The following UNC93B1 variants were observed in gnomAD, a reference collection of about 807,000 sequenced individuals.
UNC93B1 encodes the protein unc-93B1 regulator of TLR signaling.
In UNC93B1, 33 loss-of-function variants were observed where a neutral mutation model predicts 56.8. The ratio of observed to expected loss-of-function variants is 0.58; its 90% CI spans 0.44 to 0.78. The LOEUF is 0.78. Ranked by LOEUF, UNC93B1 falls within the 30% of genes least tolerant of loss-of-function variation. The pLI is 0.00. For missense variants in UNC93B1, 673 were observed against 819.5 expected (o/e 0.82, Z 2.18); for synonymous variants, 334 against 358.6 (o/e 0.93, Z 0.77).
At chr11:67,992,078 C>T (rs1246348678) in intron 10 of UNC93B1, among the ~76,000 whole-genome samples, 1 of 152,268 alleles carries the variant, frequency 6.6e-6, no homozygotes, top group African/African-American at 2.4e-5. Context: ...CCCCTGGCGA[C>T]CTCAGTGTCC....
chr11:68,003,903 G>A lies in UNC93B1; in HGVS notation c.96+45C>T. On this transcript the variant is annotated intron_variant, in intron 1 of 10. Coordinates refer to ENST00000227471, the MANE Select transcript of UNC93B1 (RefSeq NM_030930.4). The surrounding 1 kb of genome is among the most constrained non-coding windows in gnomAD (Gnocchi z 4.4). ...CCCCGCCCCCGCCGGGGGGACCCTG[G>A]CCCACAGGGGACGCCCGCGCCTCGC... The A allele has an allele frequency of 7.5e-7, 1 of 1,331,014 alleles. No homozygotes were observed. The allele number at this position is 1,331,014 out of a possible 1,614,324, so 82.5% of individuals were successfully genotyped here. A position where few individuals can be genotyped will look rare whatever the true frequency, so the allele number is the denominator to read the frequency against.
rs758127182 is a variant in UNC93B1 at position 67,998,392 on chromosome 11, G to C, written c.748C>G (p.Leu250Val). Reference sequence around the variant, plus strand: ...TGCACATTGTACAGCGTGTGGTTCAGGTCATACAGGTAGTGGTTCAGGAAA... The same window carrying C: ...TGCACATTGTACAGCGTGTGGTTCACGTCATACAGGTAGTGGTTCAGGAAA... Reference protein sequence around the residue: ...IYFLNHYLYDLNHTLYNVQSC... With the variant: ...IYFLNHYLYDVNHTLYNVQSC... The change falls in exon 6 of 11, where the codon CTG (leucine) becomes GTG (valine). Residue 250 changes from leucine to valine, a missense_variant. Leu to Val is a conservative substitution (Grantham distance 32). Coordinates refer to ENST00000227471, the MANE Select transcript of UNC93B1 (RefSeq NM_030930.4). The C allele has an allele frequency of 6.2e-7, 1 of 1,613,842 alleles. No homozygotes were observed. The highest frequency in any genetic ancestry group is 2.2e-5 in the East Asian group (1 of 44,886).
chr11:67,991,846 C>A lies in UNC93B1; in HGVS notation c.1494G>T (p.Ala498=), dbSNP rs749484256. Residue 498 remains alanine, a synonymous_variant, in exon 11 of 11, where the codon GCG becomes GCT. Coordinates refer to ENST00000227471, the MANE Select transcript of UNC93B1 (RefSeq NM_030930.4). ...CCGCCACCAGCGTCACCAGCAGCAC[C>A]GCCAGCTTAGCCTGGGCGTAAGGAG... ...GSSLHMKAKL[A]VLLVTLVAAA... 4 of 1,567,292 alleles carry A rather than the reference C, an allele frequency of 2.6e-6. No homozygotes were observed. The highest frequency in any genetic ancestry group is 8.6e-7 in the Non-Finnish European group (1 of 1,166,286).
At position 68,003,297 on chromosome 11, in the gene UNC93B1, C is replaced by A. The variant is rs1857077307; in HGVS notation, c.239-122G>T. The A allele has an allele frequency of 1.6e-6, 2 of 1,225,498 alleles. No individual in the cohort carries two copies. The highest frequency in any genetic ancestry group is 2.9e-5 in the Admixed American group (1 of 34,694). 75.9% of individuals were successfully genotyped at this position (1,225,498 alleles called of 1,614,324 possible). On this transcript the variant is annotated intron_variant, in intron 2 of 10. Transcript: ENST00000227471. This position sits in a 1 kb window ranked among gnomAD's most constrained non-coding sequence, Gnocchi z 4.4. ...ACCGAAGGCATTCCCGCTGACAGCG[C>A]CCCTCAGGACAGCGGGGTTCCCGGG...
rs1449690700 is a variant in UNC93B1 at position 67,999,577 on chromosome 11, C to T, written c.496G>A (p.Val166Met). 1 of 1,588,892 alleles carries T rather than the reference C, an allele frequency of 6.3e-7. No homozygotes were observed. Reference sequence around the variant, plus strand: ...GGCACGATGGCCATGCCCAGGGCCACAGCCGAGGGCACAAGCGTGTAGTAG... The same window carrying T: ...GGCACGATGGCCATGCCCAGGGCCATAGCCGAGGGCACAAGCGTGTAGTAG... ...ERYYTLVPSAVALGMAIVPLW... is the reference protein window; with the variant it reads ...ERYYTLVPSAMALGMAIVPLW... Residue 166 changes from valine to methionine, a missense_variant, in exon 4 of 11, where the codon GTG becomes ATG. By Grantham distance (21) the Val-to-Met change is conservative. Coordinates refer to ENST00000227471, the MANE Select transcript of UNC93B1 (RefSeq NM_030930.4).
chr11:67,991,165 T>G lies in UNC93B1; in HGVS notation c.*381A>C. ...AAAAATCGTGGCTCTCGGCGGACCC[T>G]GGGGATAGGAGGTGCAAAGTGCGCT... is the stretch of plus-strand genomic sequence containing the variant. On this transcript the variant is annotated 3_prime_UTR_variant, in exon 11 of 11. Transcript: ENST00000227471. 1 of 207,176 alleles carries G rather than the reference T, an allele frequency of 4.8e-6. No homozygotes were observed. Among genetic ancestry groups the G allele is most frequent in the Non-Finnish European group, 9.6e-6 (1 of 104,250 alleles). The allele number at this position is 207,176 out of a possible 1,614,324, so 12.8% of individuals were successfully genotyped here.
Position 67,999,426 on chromosome 11 carries a change from A to C in UNC93B1, c.554+93T>G. The C allele has an allele frequency of 3.2e-6, 5 of 1,547,826 alleles. No homozygotes were observed. The South Asian group carries it at 5.9e-5, about 18-fold the overall frequency. On this transcript the variant is annotated intron_variant, in intron 4 of 10. Coordinates refer to ENST00000227471, the MANE Select transcript of UNC93B1 (RefSeq NM_030930.4). ...GGGAAACTGAGGCCCAGAGGGCGGA[A>C]GGGGCTTCCTGTGGTCCCCCAGCCA...
intron 3 of UNC93B1, among the ~76,000 whole-genome samples, chr11:68,000,014 C>G (rs902341485): frequency 6.6e-6 from 1 of 152,238 alleles, no homozygotes; most frequent in African/African-American, 2.4e-5. Flanking sequence ...TCCTCCCAAG[C>G]TCATGCACTG....
intron 9 of UNC93B1, among the ~76,000 whole-genome samples, chr11:67,994,976 G>A (rs1306897476): frequency 1.3e-5 from 2 of 152,180 alleles, no homozygotes; most frequent in Non-Finnish European, 2.9e-5. Context: ...TGCAAACAGG[G>A]CCCTGTTCCC....
chr11:67,993,560 C>T, intron 10 of UNC93B1, 116 bp downstream of exon 10: 2 of 714,898 alleles, frequency 2.8e-6, no homozygotes, highest in Non-Finnish European at 5.0e-6. Context: ...GGAATGGGGC[C>T]TTGGCCCAGA....
intron 10 of UNC93B1, 144 bp from the exon 11 acceptor site, chr11:67,992,001 C>G: frequency 1.0e-6 from 1 of 958,314 alleles, no homozygotes; most frequent in Non-Finnish European, 1.5e-6. Context: ...GCCCCTCCAC[C>G]CATGCTTCCT....
chr11:67,992,437 C>G (rs1396835493), intron 10 of UNC93B1, among the ~76,000 whole-genome samples: 1 of 151,854 alleles, frequency 6.6e-6, no homozygotes, highest in African/African-American at 2.4e-5. Flanking sequence ...CTTCCAGGCT[C>G]AAGCCATCCT....
At chr11:67,999,054 G>T in intron 5 of UNC93B1, 119 bp downstream of exon 5, 3 of 1,453,832 alleles carry the variant, frequency 2.1e-6, no homozygotes, top group East Asian at 2.4e-5. Flanking sequence ...GTGAGACCAG[G>T]CCTCTTAAAA....
chr11:68,003,193 A>G lies in UNC93B1; in HGVS notation c.239-18T>C. 6.2e-7 allele frequency: 1 copy of G among 1,602,868 alleles called. No homozygotes were observed. The highest frequency in any genetic ancestry group is 8.5e-7 in the Non-Finnish European group (1 of 1,177,804). Reference sequence around the variant, plus strand: ...CAGGAGGCCTGGGGACAGGACAGAGAGCGGCGTGCAGGGAGCAGCCTAGCT... The same window carrying G: ...CAGGAGGCCTGGGGACAGGACAGAGGGCGGCGTGCAGGGAGCAGCCTAGCT... On this transcript the variant is annotated intron_variant, in intron 2 of 10. Transcript: ENST00000227471. The surrounding 1 kb of genome is among the most constrained non-coding windows in gnomAD (Gnocchi z 4.4).
At chr11:67,997,210 G>GC (rs55758147) in intron 7 of UNC93B1, among the ~76,000 whole-genome samples, 151,800 of 151,806 alleles carry the variant, frequency 1, 75,897 homozygotes, top group East Asian at 1. Context: ...ACTAGGCCCC[G>GC]CCTGACACAG....
At position 68,004,084 on chromosome 11, in the gene UNC93B1, C is replaced by A; in HGVS notation, c.-41G>T. 7.8e-7 allele frequency: 1 copy of A among 1,286,522 alleles called. No individual in the cohort carries two copies. Among genetic ancestry groups the A allele is most frequent in the South Asian group, 2.3e-5 (1 of 44,232 alleles). 79.7% of individuals were successfully genotyped at this position (1,286,522 alleles called of 1,614,324 possible). A position where few individuals can be genotyped will look rare whatever the true frequency, so the allele number is the denominator to read the frequency against. ...GGACTCGCGGCGGTCGCCCCGGAGTCCCTGCGACCGCCCGGCCACTTCCTC... is the reference window on the plus strand; with the variant it reads ...GGACTCGCGGCGGTCGCCCCGGAGTACCTGCGACCGCCCGGCCACTTCCTC... On this transcript the variant is annotated 5_prime_UTR_variant, in exon 1 of 11. Coordinates refer to ENST00000227471, the MANE Select transcript of UNC93B1 (RefSeq NM_030930.4).
chr11:68,003,138 C>T lies in UNC93B1; in HGVS notation c.276G>A (p.Glu92=). 6.2e-7 allele frequency: 1 copy of T among 1,613,328 alleles called. No individual in the cohort carries two copies. The highest frequency in any genetic ancestry group is 8.5e-7 in the Non-Finnish European group (1 of 1,179,826). Residue 92 remains glutamate (E), a synonymous_variant, in exon 3 of 11, where the codon GAG becomes GAA. Transcript: ENST00000227471. This position sits in a 1 kb window ranked among gnomAD's most constrained non-coding sequence, Gnocchi z 4.4. ...LQMQLILHYD[E]TYREVKYGNM... is the part of the protein sequence containing the mutation. ...TGCCATACTTCACCTCGCGGTAGGT[C>T]TCGTCGTAGTGCAGGATCAGCTGCA...
intron 3 of UNC93B1, among the ~76,000 whole-genome samples, chr11:68,001,604 G>A (rs571006606): frequency 1.3e-5 from 2 of 151,994 alleles, no homozygotes; most frequent in East Asian, 3.9e-4. Flanking sequence ...GCAGTGAGCT[G>A]TGTTCGTGCC....
intron 9 of UNC93B1, 31 bp from the exon 10 acceptor site, chr11:67,993,825 G>C (rs748498048): frequency 8.8e-7 from 1 of 1,140,702 alleles, no homozygotes; most frequent in African/African-American, 1.5e-5. Flanking sequence ...GCAGGCAGGG[G>C]AGAGGTGTCA....
Sources: allele counts gnomAD v4.1 joint callset (sites outside exome capture counted in the v4.1 genomes callset), GRCh38; gene constraint gnomAD v4.1.1; non-coding constraint Gnocchi (gnomAD v3.1); transcripts MANE v1.5; gene names NCBI Gene and HGNC (gene_info 2026-07-23, HGNC 2026-07-21).